Variants in EYS observed in about 807,000 individuals in gnomAD.
The protein encoded by EYS is protein eyes shut homolog.
Under a neutral mutation model 282.1 loss-of-function variants are expected in EYS, and 250 were observed. The observed-to-expected ratio is 0.89, with a 90% CI of 0.80 to 0.98. The LOEUF is 0.98. Ranked by LOEUF, EYS falls within the 50% of genes least tolerant of loss-of-function variation. The pLI is 0.00. For synonymous variants in EYS, 1,355 were observed against 1,282.9 expected (o/e 1.06, Z -1.20); for missense variants, 4,016 against 3,709.0 (o/e 1.08, Z -2.15).
At chr6:64,338,296 T>A (rs1309836996) in intron 29 of EYS, among the ~76,000 whole-genome samples, 1 of 151,910 alleles carries the variant, frequency 6.6e-6, no homozygotes, top group Non-Finnish European at 1.5e-5. Context: ...GGATACAAGA[T>A]TAGTTTACAC....
intron 1 of EYS, among the ~76,000 whole-genome samples, chr6:65,703,049 A>G (rs1320806738): frequency 6.6e-6 from 1 of 152,198 alleles, no homozygotes; most frequent in African/African-American, 2.4e-5. Flanking sequence ...AAAAGCATTC[A>G]GCCTCTAAAC....
chr6:65,621,109 G>A (rs354372), intron 2 of EYS, among the ~76,000 whole-genome samples: 8,798 of 152,170 alleles, frequency 0.058, 536 homozygotes, highest in East Asian at 0.18. Flanking sequence ...GGGTATCCAT[G>A]TTGACTTTCT....
chr6:64,697,599 G>T (rs1770626705), intron 22 of EYS, among the ~76,000 whole-genome samples: 1 of 152,074 alleles, frequency 6.6e-6, no homozygotes, highest in Non-Finnish European at 1.5e-5. Context: ...TGTCCTCAGT[G>T]CATGGAATAT....
At chr6:64,133,785 A>C (rs1774068446) in intron 31 of EYS, among the ~76,000 whole-genome samples, 1 of 151,766 alleles carries the variant, frequency 6.6e-6, no homozygotes, top group Admixed American at 6.6e-5. Flanking sequence ...AATAGCTCTT[A>C]TAAGAGGACT....
At chr6:65,053,070 C>A (rs923926619) in intron 13 of EYS, among the ~76,000 whole-genome samples, 8 of 151,746 alleles carry the variant, frequency 5.3e-5, no homozygotes, top group Non-Finnish European at 1.0e-4. Flanking sequence ...CATTATTCAG[C>A]TCTGCAGAAG....
rs1582192754 is a variant in EYS, at chr6:65,365,500, C to A, written c.1300-11883G>T. On this transcript the variant is annotated intron_variant, in intron 8 of 42. Coordinates refer to ENST00000503581, the MANE Select transcript of EYS (RefSeq NM_001142800.2). ...GGTGGACACTATTTTCAAATCTGAA[C>A]TTTCAGAAATTGATGTTAGGTTTCT... Among the ~76,000 whole-genome samples the A allele has an allele frequency of 2.7e-5, 4 of 145,476 alleles. No individual in the cohort carries two copies. The South Asian group carries it at 6.8e-4, about 25-fold the overall frequency.
chr6:64,774,328 A>T (rs182530237), intron 22 of EYS, among the ~76,000 whole-genome samples: 2 of 151,942 alleles, frequency 1.3e-5, no homozygotes, highest in Non-Finnish European at 2.9e-5. Context: ...AAATGTTAAC[A>T]TAAGTCCATA....
chr6:63,858,701 T>A (rs1277376207), intron 36 of EYS, among the ~76,000 whole-genome samples: 2 of 151,984 alleles, frequency 1.3e-5, no homozygotes, highest in African/African-American at 4.8e-5. Context: ...AACTGGAAAA[T>A]AAAGATTAAA....
intron 2 of EYS, among the ~76,000 whole-genome samples, chr6:65,505,483 A>C (rs184331571): frequency 2.0e-5 from 3 of 152,014 alleles, no homozygotes; most frequent in African/African-American, 7.2e-5. Context: ...CTTAAAGTAG[A>C]AGCTTAAGTT....
At position 65,376,493 on chromosome 6, in the gene EYS, A is replaced by G. The variant is rs766136119; in HGVS notation, c.1299+7893T>C. Among the ~76,000 whole-genome samples the G allele has an allele frequency of 1.4e-4, 21 of 152,218 alleles. No individual in the cohort carries two copies. In the South Asian group the frequency reaches 2.3e-3, roughly 16 times the overall value. On this transcript the variant is annotated intron_variant, in intron 8 of 42. Transcript: ENST00000503581. ...CTAATGTGCAAAATGACCAGCTAGC[A>G]TCATAATGACAGGATCAAATTCACA...
intron 35 of EYS, among the ~76,000 whole-genome samples, chr6:63,947,983 C>G (rs913095386): frequency 6.6e-6 from 1 of 152,182 alleles, no homozygotes; most frequent in Non-Finnish European, 1.5e-5. Flanking sequence ...GCTCACATTA[C>G]ATTCTGCTGA....
At chr6:64,199,164 C>T (rs930131775) in intron 31 of EYS, among the ~76,000 whole-genome samples, 7 of 152,272 alleles carry the variant, frequency 4.6e-5, no homozygotes, top group African/African-American at 1.2e-4. Flanking sequence ...AGAGGCATCA[C>T]GCTATCTGAC....
intron 36 of EYS, among the ~76,000 whole-genome samples, chr6:63,820,800 T>A (rs943330887): frequency 1.3e-5 from 2 of 152,214 alleles, no homozygotes; most frequent in Non-Finnish European, 2.9e-5. Context: ...GATCTATTTG[T>A]ATCTTACTAT....
At chr6:65,443,358 G>A (rs1768485223) in intron 5 of EYS, among the ~76,000 whole-genome samples, 1 of 138,244 alleles carries the variant, frequency 7.2e-6, no homozygotes, top group South Asian at 2.3e-4. Context: ...AGACATATAT[G>A]CATACATGTA....
intron 22 of EYS, among the ~76,000 whole-genome samples, chr6:64,642,455 C>T (rs1403934938): frequency 6.6e-6 from 1 of 152,162 alleles, no homozygotes; most frequent in Non-Finnish European, 1.5e-5. Flanking sequence ...TCGATATATT[C>T]TTTTCTTCCC....
chr6:64,843,670 C>T (rs766494434), intron 19 of EYS, among the ~76,000 whole-genome samples: 1 of 152,146 alleles, frequency 6.6e-6, no homozygotes, highest in Non-Finnish European at 1.5e-5. Flanking sequence ...ATTGATTTTA[C>T]AGACTCATAG....
intron 32 of EYS, among the ~76,000 whole-genome samples, chr6:64,071,454 C>G (rs561280496): frequency 2.6e-5 from 4 of 151,584 alleles, no homozygotes; most frequent in Non-Finnish European, 4.4e-5. Flanking sequence ...ATTCTTTATA[C>G]ATGTTTGTGC....
chr6:64,759,552 G>T (rs1773091382), intron 22 of EYS, among the ~76,000 whole-genome samples: 1 of 151,940 alleles, frequency 6.6e-6, no homozygotes, highest in South Asian at 2.1e-4. Context: ...TATGCTCTTA[G>T]TTCAACATGT....
At position 64,869,009 on chromosome 6, in the gene EYS, CT is replaced by C. The variant is rs557150425; in HGVS notation, c.2992+17687del. 2.0e-4 allele frequency among the ~76,000 whole-genome samples: 30 copies of C among 151,608 alleles called. 1 individual carries two copies. The highest frequency in any genetic ancestry group is 7.0e-4 in the African/African-American group (29 of 41,520). ...AGTAAGAGCCTTTTAATCCTTTAAA[CT>C]GTAATTTATTAATTAGGTAATATGC... On this transcript the variant is annotated intron_variant, in intron 19 of 42. Coordinates refer to ENST00000503581, the MANE Select transcript of EYS (RefSeq NM_001142800.2).
Sources: gnomAD v4.1 joint callset for allele counts (sites outside exome capture counted in the v4.1 genomes callset) on GRCh38, gnomAD v4.1.1 for gene constraint, MANE v1.5 for transcripts, NCBI Gene and HGNC (gene_info 2026-07-23, HGNC 2026-07-21) for gene names.